DAB2IP: variants seen among roughly 807,000 people sequenced by gnomAD.
DAB2IP encodes disabled homolog 2-interacting protein.
DAB2IP carries 28 observed loss-of-function variants against 107.2 expected under a neutral mutation model. The observed-to-expected ratio is 0.26, with a 90% confidence interval of 0.19 to 0.36. The LOEUF is 0.36. DAB2IP is among the 10% of genes least tolerant of loss of function. The pLI, the probability that DAB2IP is intolerant of heterozygous loss-of-function variation, is 1.00. For missense variants in DAB2IP, 1,400 were observed against 1,644.7 expected (o/e 0.85, Z 2.57); for synonymous variants, 755 against 706.4 (o/e 1.07, Z -1.09).
At chr9:121,592,660 C>A (rs73661768) in intron 1 of DAB2IP, among the ~76,000 whole-genome samples, 3,704 of 152,324 alleles carry the variant, frequency 0.024, 63 homozygotes, top group African/African-American at 0.044. Context: ...CGTCTAGAGT[C>A]TGAACCATAA....
intron 1 of DAB2IP, among the ~76,000 whole-genome samples, chr9:121,644,535 T>G (rs997738199): frequency 6.6e-6 from 1 of 151,568 alleles, no homozygotes; most frequent in Non-Finnish European, 1.5e-5. Flanking sequence ...AGGCGGAGGT[T>G]GCAGTGAGCT....
At chr9:121,704,887 T>C (rs1408974231) in intron 3 of DAB2IP, among the ~76,000 whole-genome samples, 2 of 152,194 alleles carry the variant, frequency 1.3e-5, no homozygotes, top group African/African-American at 2.4e-5. Flanking sequence ...CTGGGGCCTA[T>C]GCAGAAGCCA....
At chr9:121,706,805 C>G (rs1372533125) in intron 3 of DAB2IP, among the ~76,000 whole-genome samples, 2 of 152,212 alleles carry the variant, frequency 1.3e-5, no homozygotes, top group African/African-American at 4.8e-5. Context: ...GCCATGCCAC[C>G]TACCACCTGG....
intron 1 of DAB2IP, among the ~76,000 whole-genome samples, chr9:121,658,749 G>C (rs1833073649): frequency 6.6e-6 from 1 of 152,198 alleles, no homozygotes; most frequent in Non-Finnish European, 1.5e-5. Context: ...TATGTTAGCA[G>C]AGAAGCACCA....
rs535950254 is a variant in DAB2IP at position 121,629,955 on chromosome 9, A to C, written c.41-48723A>C. 2.6e-5 allele frequency among the ~76,000 whole-genome samples: 4 copies of C among 152,346 alleles called. No individual in the cohort carries two copies. The East Asian group carries it at 5.8e-4, about 22-fold the overall frequency. On this transcript the variant is annotated intron_variant, in intron 1 of 16. Transcript: ENST00000259371. ...GGACTCCAGAGTGTCCAAGAACTGG[A>C]ATAGGAAAAAAAGAATCCCACTGTT...
At chr9:121,697,386 C>T (rs900497896) in intron 2 of DAB2IP, among the ~76,000 whole-genome samples, 2 of 152,196 alleles carry the variant, frequency 1.3e-5, no homozygotes, top group Non-Finnish European at 2.9e-5. Flanking sequence ...ACCACAACCC[C>T]TGGGAGAAGA....
exon 8 of DAB2IP, chr9:121,763,754 G>A (rs1162935067): frequency 1.9e-6 from 3 of 1,613,974 alleles, no homozygotes; most frequent in Non-Finnish European, 1.7e-6. Context: ...TCAAAGCGCT[G>A]TATGAGTCAG....
chr9:121,733,504 T>A (rs984703444), intron 3 of DAB2IP, among the ~76,000 whole-genome samples: 1 of 152,160 alleles, frequency 6.6e-6, no homozygotes, highest in African/African-American at 2.4e-5. Flanking sequence ...GACAGGAGCA[T>A]CCTGAGCTCT....
intron 1 of DAB2IP, among the ~76,000 whole-genome samples, chr9:121,643,977 G>C (rs1318461831): frequency 2.0e-5 from 3 of 152,178 alleles, no homozygotes; most frequent in Admixed American, 2.0e-4. Context: ...AGACCAGTCT[G>C]AGCATCATGG....
chr9:121,781,624 C>T, intron 15 of DAB2IP, 73 bp downstream of exon 15: 1 of 1,429,608 alleles, frequency 7.0e-7, no homozygotes, highest in Non-Finnish European at 9.8e-7. Flanking sequence ...CTAGCCTCTC[C>T]ATCCTCAGTC....
At chr9:121,725,342 T>C (rs568227546) in intron 3 of DAB2IP, among the ~76,000 whole-genome samples, 6 of 152,234 alleles carry the variant, frequency 3.9e-5, no homozygotes, top group African/African-American at 1.4e-4. Flanking sequence ...ACGAGCCAGG[T>C]TGGGAGAGCC....
At chr9:121,679,744 A>G (rs191204656) in intron 2 of DAB2IP, among the ~76,000 whole-genome samples, 74 of 152,202 alleles carry the variant, frequency 4.9e-4, no homozygotes, top group African/African-American at 1.7e-3. Flanking sequence ...TAGGGGCTCC[A>G]GGGGAGCTGG....
At chr9:121,686,550 T>C (rs1828888128) in intron 2 of DAB2IP, among the ~76,000 whole-genome samples, 1 of 152,200 alleles carries the variant, frequency 6.6e-6, no homozygotes, top group Admixed American at 6.5e-5. Flanking sequence ...GGGCCTTTCT[T>C]CCTCTCTTCA....
chr9:121,666,730 G>A (rs143241919), intron 1 of DAB2IP, among the ~76,000 whole-genome samples: 12 of 152,128 alleles, frequency 7.9e-5, no homozygotes, highest in East Asian at 1.9e-4. Flanking sequence ...AAACCTGCAC[G>A]TTCTGCACAT....
chr9:121,650,833 A>T (rs1270463422), upstream of DAB2IP, among the ~76,000 whole-genome samples: 3 of 152,034 alleles, frequency 2.0e-5, no homozygotes, highest in Admixed American at 6.6e-5. Flanking sequence ...CAGCAAAGAG[A>T]AGTGAGAATT....
chr9:121,714,650 A>G (rs1307232474), intron 3 of DAB2IP, among the ~76,000 whole-genome samples: 1 of 152,240 alleles, frequency 6.6e-6, no homozygotes, highest in Non-Finnish European at 1.5e-5. Flanking sequence ...CATGGTGCTA[A>G]GCTGAGGGAT....
intron 3 of DAB2IP, among the ~76,000 whole-genome samples, chr9:121,723,565 T>C (rs1052329372): frequency 6.6e-5 from 10 of 152,180 alleles, no homozygotes; most frequent in African/African-American, 2.4e-4. Flanking sequence ...AAGCTAAGAT[T>C]GGGAGGAACT....
chr9:121,772,814 C>G lies in DAB2IP; in HGVS notation c.2286C>G (p.Gly762=), dbSNP rs74792331. The change falls in exon 12 of 16, where the codon GGC becomes GGG. Residue 762 remains glycine (G), a synonymous_variant. Transcript: ENST00000408936. This position sits in a 1 kb window ranked among gnomAD's most constrained non-coding sequence, Gnocchi z 4.7. ...CCCGCACGCTGGATGGGGAGGCAGGCTCCCCGGCGGGCCCCGACGTCCTCC... is the reference window on the plus strand; with the variant it reads ...CCCGCACGCTGGATGGGGAGGCAGGGTCCCCGGCGGGCCCCGACGTCCTCC... 194 of 1,609,196 alleles carry G rather than the reference C, an allele frequency of 1.2e-4. 1 individual carries two copies. The East Asian group carries it at 3.8e-3, about 31-fold the overall frequency.
chr9:121,578,055 G>A (rs1830105480), intron 1 of DAB2IP, among the ~76,000 whole-genome samples: 1 of 151,874 alleles, frequency 6.6e-6, no homozygotes, highest in Non-Finnish European at 1.5e-5. Flanking sequence ...CAGGGAATCT[G>A]GGGGGTGGGT....
Sources: allele counts gnomAD v4.1 joint callset (sites outside exome capture counted in the v4.1 genomes callset), GRCh38; gene constraint gnomAD v4.1.1; non-coding constraint Gnocchi (gnomAD v3.1); transcripts MANE v1.5; gene names NCBI Gene and HGNC (gene_info 2026-07-23, HGNC 2026-07-21).